The following FRYL variants were observed in gnomAD, a reference collection of about 807,000 sequenced individuals.
FRYL encodes FRY like transcription coactivator.
Under a neutral mutation model 351.2 loss-of-function variants are expected in FRYL, and 150 were observed. That is an observed-to-expected ratio of 0.43 (90% confidence interval 0.37 to 0.49). FRYL has a LOEUF of 0.49. FRYL is among the 20% of genes least tolerant of loss of function. The probability of loss-of-function intolerance (pLI) is 0.00; values close to 1 mark genes in which losing one functional copy is unlikely to be tolerated. For synonymous variants in FRYL, 1,153 were observed against 1,257.1 expected (o/e 0.92, Z 1.75); for missense variants, 3,036 against 3,619.3 (o/e 0.84, Z 4.13).
At chr4:48,687,054 C>T (rs954538966) in intron 2 of FRYL, among the ~76,000 whole-genome samples, 2 of 152,136 alleles carry the variant, frequency 1.3e-5, no homozygotes, top group Non-Finnish European at 2.9e-5. Flanking sequence ...GGACCTTTTT[C>T]GTCTGTTTAC....
At chr4:48,684,461 G>C (rs536058453) in intron 3 of FRYL, among the ~76,000 whole-genome samples, 1 of 152,220 alleles carries the variant, frequency 6.6e-6, no homozygotes, top group South Asian at 2.1e-4. Flanking sequence ...ATTTATTACT[G>C]ACAGGATCTA....
At chr4:48,511,978 C>T (rs1305099719) in intron 57 of FRYL, among the ~76,000 whole-genome samples, 1 of 152,124 alleles carries the variant, frequency 6.6e-6, no homozygotes, top group African/African-American at 2.4e-5. Context: ...ACCGTAAAGC[C>T]CTTTAGCACA....
At chr4:48,761,040 TGTGTGTGTGTTG>T (rs1310614998) in intron 1 of FRYL, among the ~76,000 whole-genome samples, 1 of 151,618 alleles carries the variant, frequency 6.6e-6, no homozygotes, top group South Asian at 2.1e-4. Context: ...TGTGTGTGTG[TGTGTGTGTGTTG>T]AAGAGGAAAT....
At chr4:48,658,126 T>G (rs1759636374) in intron 3 of FRYL, among the ~76,000 whole-genome samples, 1 of 146,228 alleles carries the variant, frequency 6.8e-6, no homozygotes, top group Non-Finnish European at 1.5e-5. Flanking sequence ...AAAATGTTAC[T>G]TAATATAGAA....
chr4:48,773,120 A>T (rs558487485), intron 1 of FRYL, among the ~76,000 whole-genome samples: 43 of 152,358 alleles, frequency 2.8e-4, no homozygotes, highest in Admixed American at 1.7e-3. Flanking sequence ...AAAAATTCTC[A>T]AAATGTAAAC....
chr4:48,675,497 G>A (rs940913228), intron 3 of FRYL, among the ~76,000 whole-genome samples: 14 of 152,228 alleles, frequency 9.2e-5, no homozygotes, highest in African/African-American at 1.9e-4. Flanking sequence ...CAGCGGCTGC[G>A]GAGGGTGTAC....
chr4:48,690,820 G>A (rs1169439034), intron 2 of FRYL, among the ~76,000 whole-genome samples: 1 of 152,042 alleles, frequency 6.6e-6, no homozygotes, highest in Admixed American at 6.5e-5. Context: ...GAGAAAATGT[G>A]TATAGATGAT....
At chr4:48,598,854 A>T in intron 13 of FRYL, 1 of 985,002 alleles carries the variant, frequency 1.0e-6, no homozygotes, top group Non-Finnish European at 1.2e-6. Flanking sequence ...TTGTTTTCTG[A>T]TACTGTTGTT....
chr4:48,684,017 T>C (rs1764922406), intron 3 of FRYL, among the ~76,000 whole-genome samples: 1 of 152,162 alleles, frequency 6.6e-6, no homozygotes, highest in East Asian at 1.9e-4. Context: ...GTTCATGACA[T>C]GCAAGACAAC....
chr4:48,757,490 A>G (rs1479199006), intron 1 of FRYL, among the ~76,000 whole-genome samples: 3 of 152,176 alleles, frequency 2.0e-5, no homozygotes, highest in Non-Finnish European at 4.4e-5. Flanking sequence ...CCCATTCACA[A>G]TTGCTTCAAA....
Position 48,547,773 on chromosome 4 carries a change from A to T in FRYL, c.4889-4T>A. 6.8e-7 allele frequency: 1 copy of T among 1,464,424 alleles called. No individual in the cohort carries two copies. The highest frequency in any genetic ancestry group is 9.2e-7 in the Non-Finnish European group (1 of 1,091,096). The allele number at this position is 1,464,424 out of a possible 1,614,324, so 90.7% of individuals were successfully genotyped here. The stretch of plus-strand genomic sequence containing the variant: ...TCAGGGTGGCAGTGGTCAAACCCTA[A>T]AAAGGATAGTAGAGAAACATTATCA... On this transcript the variant is annotated splice_region_variant and splice_polypyrimidine_tract_variant and intron_variant, in intron 40 of 63. Coordinates refer to ENST00000358350, the MANE Select transcript of FRYL (RefSeq NM_015030.2).
rs191550934 is a variant in FRYL, at chr4:48,758,472, A to T, written c.-384+21606T>A. 2.1e-3 allele frequency among the ~76,000 whole-genome samples: 315 copies of T among 152,388 alleles called. 3 individuals are homozygous for T. Among genetic ancestry groups the T allele is most frequent in the Non-Finnish European group, 3.4e-3 (234 of 68,044 alleles). On this transcript the variant is annotated intron_variant, in intron 1 of 63. Transcript: ENST00000358350. ...AGACATTTATGCAGCCAACAGACAC[A>T]TGAAAAAATGCTCACCATTACTGGC...
chr4:48,659,224 G>A (rs1287836759), intron 3 of FRYL, among the ~76,000 whole-genome samples: 5 of 151,418 alleles, frequency 3.3e-5, no homozygotes, highest in South Asian at 2.1e-4. Context: ...AGTGGTGTGC[G>A]CTTGTAGTCC....
intron 1 of FRYL, among the ~76,000 whole-genome samples, chr4:48,771,132 A>C (rs1775464770): frequency 6.6e-6 from 1 of 152,202 alleles, no homozygotes. Flanking sequence ...CATTAACTCT[A>C]AGGCAGGAAA....
rs183420639 is a variant in FRYL at position 48,576,922 on chromosome 4, G to A, written c.2529-700C>T. Among the ~76,000 whole-genome samples, 195 of 151,884 alleles carry A rather than the reference G, an allele frequency of 1.3e-3. 2 individuals are homozygous for A. Among genetic ancestry groups the A allele is most frequent in the Non-Finnish European group, 2.6e-4 (18 of 67,934 alleles). On this transcript the variant is annotated intron_variant, in intron 23 of 63. Transcript: ENST00000358350. ...TGAATACATCTCTTTTAATTTATAC[G>A]AATTAAATGTTTATTTTATTTTGTA...
intron 1 of FRYL, among the ~76,000 whole-genome samples, chr4:48,712,465 T>C (rs1441556239): frequency 6.6e-6 from 1 of 151,990 alleles, no homozygotes; most frequent in East Asian, 1.9e-4. Flanking sequence ...AGAAAGGGTA[T>C]CAGCGATGGA....
intron 3 of FRYL, among the ~76,000 whole-genome samples, chr4:48,678,156 G>A (rs1366462732): frequency 1.3e-5 from 2 of 152,190 alleles, no homozygotes. Flanking sequence ...ACTTTGGGAG[G>A]CCAAGGCAGG....
At chr4:48,675,904 A>C (rs1763588538) in intron 3 of FRYL, among the ~76,000 whole-genome samples, 1 of 152,188 alleles carries the variant, frequency 6.6e-6, no homozygotes, top group African/African-American at 2.4e-5. Context: ...TAAATACACC[A>C]ATCAGCACCC....
At position 48,567,758 on chromosome 4, in the gene FRYL, G is replaced by C. The variant is rs980023923; in HGVS notation, c.2997-338C>G. Reference sequence around the variant, plus strand: ...ATATGAAATGGGGAGGATCAGTTTAGAAAAGTAGAAAGAGGAAAGACTAGT... The same window carrying C: ...ATATGAAATGGGGAGGATCAGTTTACAAAAGTAGAAAGAGGAAAGACTAGT... On this transcript the variant is annotated intron_variant, in intron 27 of 63. Coordinates refer to ENST00000358350, the MANE Select transcript of FRYL (RefSeq NM_015030.2). The surrounding 1 kb of genome is among the most constrained non-coding windows in gnomAD (Gnocchi z 4.2). Among the ~76,000 whole-genome samples, 7 of 152,172 alleles carry C rather than the reference G, an allele frequency of 4.6e-5. No homozygotes were observed. The highest frequency in any genetic ancestry group is 1.7e-4 in the African/African-American group (7 of 41,438).
Sources: allele counts gnomAD v4.1 joint callset (sites outside exome capture counted in the v4.1 genomes callset), GRCh38; gene constraint gnomAD v4.1.1; non-coding constraint Gnocchi (gnomAD v3.1); transcripts MANE v1.5; gene names NCBI Gene and HGNC (gene_info 2026-07-23, HGNC 2026-07-21).